FPGS: variants seen among roughly 807,000 people sequenced by gnomAD.
The protein encoded by FPGS is folylpolyglutamate synthase, also known as folylpolyglutamate synthase, mitochondrial.
A neutral mutation model predicts 66.5 loss-of-function variants in FPGS; 53 were observed. That is an observed-to-expected ratio of 0.80 (90% CI 0.64 to 1.00). FPGS has a LOEUF of 1.00. FPGS is among the 50% of genes least tolerant of loss of function. FPGS has a pLI of 0.00. For synonymous variants in FPGS, 348 were observed against 350.9 expected (o/e 0.99, Z 0.09); for missense variants, 702 against 807.7 (o/e 0.87, Z 1.59).
In FPGS at chr9:127,813,361, C is replaced by T. The variant is rs1040587717; in HGVS notation, c.1521C>T (p.Pro507=). The change falls in exon 15 of 15, where the codon CCC becomes CCT. Residue 507 remains proline (P), a synonymous_variant. Coordinates refer to ENST00000373247, the MANE Select transcript of FPGS (RefSeq NM_004957.6). ...SASLLLAPHP[P]HTCSASSLVF... ...CCCTGCTTCTGGCGCCCCACCCACCCCACACCTGCAGTGCCAGCTCCCTCG... is the reference window on the plus strand; with the variant it reads ...CCCTGCTTCTGGCGCCCCACCCACCTCACACCTGCAGTGCCAGCTCCCTCG... 2.5e-6 allele frequency: 4 copies of T among 1,612,544 alleles called. No individual in the cohort carries two copies. The highest frequency in any genetic ancestry group is 2.2e-5 in the South Asian group (2 of 90,974).
chr9:127,810,957 G>C lies in FPGS; in HGVS notation c.1300G>C (p.Asp434His), dbSNP rs747286536. 57 of 1,582,524 alleles carry C rather than the reference G, an allele frequency of 3.6e-5. 1 individual carries two copies. In the East Asian group the frequency reaches 1.3e-3, roughly 36 times the overall value. The stretch of plus-strand genomic sequence containing the variant: ...CTTGGCCTTCTAGCCCTGCCAGTTT[G>C]ACTATGCCGTCTTCTGCCCTAACCT... ...LLKLLQPCQF[D>H]YAVFCPNLTE... Residue 434 changes from aspartate (D) to histidine (H), a missense_variant, in exon 14 of 15, where the codon GAC becomes CAC. Coordinates refer to ENST00000373247, the MANE Select transcript of FPGS (RefSeq NM_004957.6).
intron 4 of FPGS, chr9:127,804,949 C>A: frequency 2.2e-6 from 1 of 462,782 alleles, no homozygotes; most frequent in South Asian, 2.4e-5. Flanking sequence ...AGTACAATGG[C>A]ACGATCTTGG....
At chr9:127,812,138 A>C (rs998515837) in intron 14 of FPGS, among the ~76,000 whole-genome samples, 4 of 151,950 alleles carry the variant, frequency 2.6e-5, no homozygotes, top group African/African-American at 9.7e-5. Flanking sequence ...GGTCCTAGCT[A>C]CTCAGGAGGC....
In FPGS at chr9:127,806,982, C is replaced by A. The variant is rs1382281972; in HGVS notation, c.396C>A (p.His132Gln). The change falls in exon 5 of 15, where the codon CAC (histidine) becomes CAA (glutamine). Residue 132 changes from histidine to glutamine, a missense_variant. His to Gln is a conservative substitution (Grantham distance 24). Coordinates refer to ENST00000373247, the MANE Select transcript of FPGS (RefSeq NM_004957.6). ...GLKTGFFSSP[H>Q]LVQVRERIRI... Reference sequence around the variant, plus strand: ...CCAGCTGTCCCGGCAGCTCTCCCCACCTGGTGCAGGTTCGGGAGCGGATCC... The same window carrying A: ...CCAGCTGTCCCGGCAGCTCTCCCCAACTGGTGCAGGTTCGGGAGCGGATCC... The A allele has an allele frequency of 6.2e-7, 1 of 1,613,862 alleles. No individual in the cohort carries two copies. Among genetic ancestry groups the A allele is most frequent in the South Asian group, 1.1e-5 (1 of 91,080 alleles).
intron 14 of FPGS, among the ~76,000 whole-genome samples, chr9:127,812,561 G>A (rs940808428): frequency 5.3e-5 from 8 of 152,098 alleles, no homozygotes; most frequent in Non-Finnish European, 1.2e-4. Flanking sequence ...GAGTGCAATG[G>A]CTTGATCTCA....
rs149509788 is a variant in FPGS at position 127,808,593 on chromosome 9, C to T, written c.858C>T (p.Leu286=). 1,049 of 1,612,160 alleles carry T rather than the reference C, an allele frequency of 6.5e-4. 14 individuals carry two copies. The East Asian group carries it at 0.018, about 28-fold the overall frequency. The change falls in exon 10 of 15, where the codon CTC becomes CTT. Residue 286 remains leucine, a synonymous_variant. Transcript: ENST00000373247. The part of the protein sequence containing the change: ...PLYLCPMLEA[L]EEGGPPLTLG... ...ACCTGTGTCCGATGCTGGAGGCCCT[C>T]GAGGAAGGGGGGCCGCCGCTGACCC...
rs748096485 is a variant in FPGS at position 127,808,251 on chromosome 9, C to T, written c.762C>T (p.Phe254=). 6.2e-7 allele frequency: 1 copy of T among 1,614,034 alleles called. No homozygotes were observed. The highest frequency in any genetic ancestry group is 8.5e-7 in the Non-Finnish European group (1 of 1,179,904). The change falls in exon 9 of 15, where the codon TTC becomes TTT. Residue 254 remains phenylalanine, a synonymous_variant. Coordinates refer to ENST00000373247, the MANE Select transcript of FPGS (RefSeq NM_004957.6). ...GGIFKQGVPA[F]TVLQPEGPLA... is the part of the protein sequence containing the mutation. ...CTCCACAGCAAGGTGTCCCTGCCTT[C>T]ACTGTGCTCCAACCTGAAGGTCCCC...
intron 11 of FPGS, 85 bp downstream of exon 11, chr9:127,808,974 T>A: frequency 9.4e-7 from 1 of 1,060,206 alleles, no homozygotes; most frequent in Non-Finnish European, 1.4e-6. Flanking sequence ...TTTGGTTTTC[T>A]GTTTGGGAGA....
In FPGS at chr9:127,807,229, GC is replaced by G. The variant is rs1201069294; in HGVS notation, c.528del (p.Tyr177ThrfsTer5). ...CACAGGATGGCAGCTGTGTCTCCATGCCCCCCTACTTCCGCTTCCTGACACT... is the reference window on the plus strand; with the variant it reads ...CACAGGATGGCAGCTGTGTCTCCATGCCCCCTACTTCCGCTTCCTGACACT... ...ETKDGSCVSM[P>X]PYFRFLTLMA... On this transcript the variant is annotated frameshift_variant, in exon 6 of 15. Coordinates refer to ENST00000373247, the MANE Select transcript of FPGS (RefSeq NM_004957.6). LOFTEE classifies it high-confidence loss of function. This position sits in a 1 kb window ranked among gnomAD's most constrained non-coding sequence, Gnocchi z 5.8. The G allele has an allele frequency of 5.0e-6, 8 of 1,614,088 alleles. No individual in the cohort carries two copies. Among genetic ancestry groups the G allele is most frequent in the Non-Finnish European group, 6.8e-6 (8 of 1,180,012 alleles).
At position 127,807,944 on chromosome 9, in the gene FPGS, A is replaced by G; in HGVS notation, c.744+256A>G. ...AATATGGGGAAACTCTGTCTCTACT[A>G]AAAATACAAAAATTAGCCAGGTGTG... On this transcript the variant is annotated intron_variant, in intron 8 of 14. Transcript: ENST00000373247. The surrounding 1 kb of genome is among the most constrained non-coding windows in gnomAD (Gnocchi z 5.8). 2 of 563,378 alleles carry G rather than the reference A, an allele frequency of 3.6e-6. No individual in the cohort carries two copies. The highest frequency in any genetic ancestry group is 6.3e-6 in the Non-Finnish European group (2 of 319,578). The allele number at this position is 563,378 out of a possible 1,614,324, so 34.9% of individuals were successfully genotyped here.
Position 127,807,243 on chromosome 9 carries a change from GCTTC to G in FPGS, c.539_542del (p.Phe180Ter). The G allele has an allele frequency of 6.2e-7, 1 of 1,614,118 alleles. No individual in the cohort carries two copies. Among genetic ancestry groups the G allele is most frequent in the African/African-American group, 1.3e-5 (1 of 75,034 alleles). On this transcript the variant is annotated frameshift_variant, in exon 6 of 15. Transcript: ENST00000373247. LOFTEE classifies it high-confidence loss of function. This position sits in a 1 kb window ranked among gnomAD's most constrained non-coding sequence, Gnocchi z 5.8. Reference sequence around the variant, plus strand: ...TGTGTCTCCATGCCCCCCTACTTCCGCTTCCTGACACTCATGGCCTTCCACGTCT... The same window carrying G: ...TGTGTCTCCATGCCCCCCTACTTCCGCTGACACTCATGGCCTTCCACGTCT...
At chr9:127,805,709 C>CA (rs1829781922) in intron 4 of FPGS, among the ~76,000 whole-genome samples, 1 of 152,200 alleles carries the variant, frequency 6.6e-6, no homozygotes, top group Non-Finnish European at 1.5e-5. Flanking sequence ...AATTGCCTTG[C>CA]AAGGGCTTAA....
At position 127,813,788 on chromosome 9, in the gene FPGS, C is replaced by T. The variant is rs1588568744; in HGVS notation, c.*184C>T. 7.8e-7 allele frequency: 1 copy of T among 1,286,498 alleles called. No homozygotes were observed. The highest frequency in any genetic ancestry group is 9.8e-7 in the Non-Finnish European group (1 of 1,022,496). 79.7% of individuals were successfully genotyped at this position (1,286,498 alleles called of 1,614,324 possible). A position where few individuals can be genotyped will look rare whatever the true frequency, so the allele number is the denominator to read the frequency against. ...TTTAAGGCTCTGTGCCTTGGTCTCT[C>T]CTTCCTCTTGGCTGAGATAGCAGAG... On this transcript the variant is annotated 3_prime_UTR_variant, in exon 15 of 15. Coordinates refer to ENST00000373247, the MANE Select transcript of FPGS (RefSeq NM_004957.6).
rs756923955 is a variant in FPGS at position 127,810,065 on chromosome 9, A to G, written c.1246A>G (p.Thr416Ala). The change falls in exon 13 of 15, where the codon ACC becomes GCC. Residue 416 changes from threonine (T) to alanine (A), a missense_variant. This residue lies in a region of FPGS where 351 missense variants were observed against 363.7 expected (regional missense o/e 0.97). Coordinates refer to ENST00000373247, the MANE Select transcript of FPGS (RefSeq NM_004957.6). Reference sequence around the variant, plus strand: ...GGTTCGAGTCTTGCTCTTCAATGCTACCGGGGACCGGGACCCGGCGGCCCT... The same window carrying G: ...GGTTCGAGTCTTGCTCTTCAATGCTGCCGGGGACCGGGACCCGGCGGCCCT... The part of the protein sequence containing the change: ...PEVRVLLFNA[T>A]GDRDPAALLK... The G allele has an allele frequency of 6.3e-7, 1 of 1,576,348 alleles. No individual in the cohort carries two copies. The highest frequency in any genetic ancestry group is 8.6e-7 in the Non-Finnish European group (1 of 1,158,590).
In FPGS at chr9:127,812,858, A is replaced by C. The variant is rs141692902; in HGVS notation, c.1355-337A>C. Among the ~76,000 whole-genome samples, 532 of 152,286 alleles carry C rather than the reference A, an allele frequency of 3.5e-3. 6 individuals are homozygous for C. Among genetic ancestry groups the C allele is most frequent in the African/African-American group, 0.012 (489 of 41,568 alleles). ...CTGCGTTTTTAACCAGCATCCCCAGAAATAACTATGCTCACCTGGTGATGG... is the reference window on the plus strand; with the variant it reads ...CTGCGTTTTTAACCAGCATCCCCAGCAATAACTATGCTCACCTGGTGATGG... On this transcript the variant is annotated intron_variant, in intron 14 of 14. Transcript: ENST00000373247.
chr9:127,812,883 G>T (rs1397207922), intron 14 of FPGS, among the ~76,000 whole-genome samples: 1 of 152,180 alleles, frequency 6.6e-6, no homozygotes, highest in African/African-American at 2.4e-5. Context: ...CCTGGTGATG[G>T]TCCCCAGCTG....
intron 14 of FPGS, among the ~76,000 whole-genome samples, chr9:127,812,017 T>C (rs1189824299): frequency 6.6e-6 from 1 of 151,916 alleles, no homozygotes; most frequent in Non-Finnish European, 1.5e-5. Context: ...CTCACACCTA[T>C]AATCCCAGCA....
Position 127,810,092 on chromosome 9 carries a change from C to T in FPGS, c.1273C>T (p.Leu425=). 1 of 1,613,230 alleles carries T rather than the reference C, an allele frequency of 6.2e-7. No individual in the cohort carries two copies. The highest frequency in any genetic ancestry group is 8.5e-7 in the Non-Finnish European group (1 of 1,179,820). ...CGGGGACCGGGACCCGGCGGCCCTG[C>T]TGAAGCTGCTGCAGGTGAGGGGCCA... ...ATGDRDPAAL[L]KLLQPCQFDY... is the part of the protein sequence containing the mutation. Residue 425 remains leucine (L), a synonymous_variant, in exon 13 of 15, where the codon CTG becomes TTG. Transcript: ENST00000373247.
In FPGS at chr9:127,809,560, C is replaced by A. The variant is rs1024006532; in HGVS notation, c.1061-124C>A. 2.3e-5 allele frequency: 21 copies of A among 914,628 alleles called. No homozygotes were observed. In the South Asian group the frequency reaches 3.9e-4, roughly 17 times the overall value. 56.7% of individuals were successfully genotyped at this position (914,628 alleles called of 1,614,324 possible). A position where few individuals can be genotyped will look rare whatever the true frequency, so the allele number is the denominator to read the frequency against. On this transcript the variant is annotated intron_variant, in intron 11 of 14. Coordinates refer to ENST00000373247, the MANE Select transcript of FPGS (RefSeq NM_004957.6). ...GTGCTAGTAAAAAGTTCCTGGGCTGCCGGGGTCCTGAGTGTTGAGGGCGGG... is the reference window on the plus strand; with the variant it reads ...GTGCTAGTAAAAAGTTCCTGGGCTGACGGGGTCCTGAGTGTTGAGGGCGGG...
Sources: allele counts gnomAD v4.1 joint callset (sites outside exome capture counted in the v4.1 genomes callset), GRCh38; gene constraint gnomAD v4.1.1; regional missense constraint gnomAD v4.1.1; non-coding constraint Gnocchi (gnomAD v3.1); transcripts MANE v1.5; gene names NCBI Gene and HGNC (gene_info 2026-07-23, HGNC 2026-07-21).